The following CCDC137 variants were observed in gnomAD, a reference collection of about 807,000 sequenced individuals.
CCDC137 encodes coiled-coil domain-containing protein 137.
In CCDC137, 24 loss-of-function variants were observed where a neutral mutation model predicts 30.4. That is an observed-to-expected ratio of 0.79 (90% CI 0.57 to 1.11). CCDC137 has a LOEUF of 1.11. Among genes scored for constraint, CCDC137 ranks in the 50% least tolerant of loss-of-function variants. The probability of loss-of-function intolerance (pLI) is 0.00; values close to 1 mark genes in which losing one functional copy is unlikely to be tolerated. For missense variants in CCDC137, 417 were observed against 380.4 expected (o/e 1.10, Z -0.80); for synonymous variants, 182 against 155.7 (o/e 1.17, Z -1.26).
rs1346556640 is a variant in CCDC137, at chr17:81,672,601, A to C, written c.767A>C (p.Glu256Ala). 1.1e-5 allele frequency: 17 copies of C among 1,587,266 alleles called. No individual in the cohort carries two copies. Among genetic ancestry groups the C allele is most frequent in the East Asian group, 2.3e-5 (1 of 43,514 alleles). ...CAGCGGATTGTGGAGGAGGAGAGAGAGCGGGCCGTGCAGGCCTACAGAGCG... is the reference window on the plus strand; with the variant it reads ...CAGCGGATTGTGGAGGAGGAGAGAGCGCGGGCCGTGCAGGCCTACAGAGCG... ...ARQRIVEEER[E>A]RAVQAYRALK... Residue 256 changes from glutamate to alanine, a missense_variant, in exon 6 of 6, where the codon GAG becomes GCG. Transcript: ENST00000329214.
At chr17:81,669,219 C>T (rs1480258082) in intron 2 of CCDC137, among the ~76,000 whole-genome samples, 2 of 149,150 alleles carry the variant, frequency 1.3e-5, no homozygotes, top group Admixed American at 6.7e-5. Context: ...AATATCGGCT[C>T]ACTGCAACCT....
rs558603341 is a variant in CCDC137 at position 81,667,060 on chromosome 17, A to T, written c.134+160A>T. On this transcript the variant is annotated intron_variant, in intron 1 of 5. Coordinates refer to ENST00000329214, the MANE Select transcript of CCDC137 (RefSeq NM_199287.3). ...TGCCCGCGGCCCACGCTCCGCCAGGATCGGTTGAATGAATGGAGGCGCGAG... is the reference window on the plus strand; with the variant it reads ...TGCCCGCGGCCCACGCTCCGCCAGGTTCGGTTGAATGAATGGAGGCGCGAG... 285 of 747,092 alleles carry T rather than the reference A, an allele frequency of 3.8e-4. 1 individual carries two copies. The African/African-American group carries it at 4.8e-3, about 13-fold the overall frequency. 46.3% of individuals were successfully genotyped at this position (747,092 alleles called of 1,614,324 possible).
intron 3 of CCDC137, among the ~76,000 whole-genome samples, chr17:81,671,438 C>A (rs1011756122): frequency 1.3e-5 from 2 of 152,174 alleles, no homozygotes; most frequent in South Asian, 4.1e-4. Context: ...TCCCAGCCTT[C>A]GTGCACAAGG....
chr17:81,666,996 C>T, intron 1 of CCDC137, 96 bp downstream of exon 1: 2 of 1,205,668 alleles, frequency 1.7e-6, no homozygotes, highest in African/African-American at 1.6e-5. Context: ...TTCGCTCGGA[C>T]CCCTTCCCCA....
At chr17:81,670,077 T>C in intron 2 of CCDC137, 148 bp from the exon 3 acceptor site, 1 of 644,982 alleles carries the variant, frequency 1.6e-6, no homozygotes, top group Non-Finnish European at 2.7e-6. Context: ...GGGCCGGGCA[T>C]TCTACATCCT....
At chr17:81,667,677 T>C (rs199703066) in intron 1 of CCDC137, 52 bp from the exon 2 acceptor site, 3 of 1,602,698 alleles carry the variant, frequency 1.9e-6, no homozygotes, top group Non-Finnish European at 2.6e-6. Flanking sequence ...TCTTACTGAT[T>C]CTGCTTGTGC....
chr17:81,672,159 A>C lies in CCDC137; in HGVS notation c.660+4A>C. 1 of 1,613,758 alleles carries C rather than the reference A, an allele frequency of 6.2e-7. No homozygotes were observed. The highest frequency in any genetic ancestry group is 2.2e-5 in the East Asian group (1 of 44,884). On this transcript the variant is annotated splice_donor_region_variant and intron_variant, in intron 5 of 5. Coordinates refer to ENST00000329214, the MANE Select transcript of CCDC137 (RefSeq NM_199287.3). ...GAGGAGCGTAAGCAAGGACCAGGTA[A>C]GTGGGGCACGGGGACAACTTGAGTT...
In CCDC137 at chr17:81,673,553, G is replaced by A. The variant is rs2036748367; in HGVS notation, c.*849G>A. 6.6e-6 allele frequency: 1 copy of A among 152,280 alleles called. No individual in the cohort carries two copies. The highest frequency in any genetic ancestry group is 1.5e-5 in the Non-Finnish European group (1 of 68,110). The allele number at this position is 152,280 out of a possible 1,614,324, so 9.4% of individuals were successfully genotyped here. ...CAGGGGGAGTTCCTGCTGAGGGCAG[G>A]GCCTTGCCAGGCTTCAGTCTCCAGT... is the stretch of plus-strand genomic sequence containing the variant. On this transcript the variant is annotated 3_prime_UTR_variant, in exon 6 of 6. Coordinates refer to ENST00000329214, the MANE Select transcript of CCDC137 (RefSeq NM_199287.3).
At chr17:81,671,417 T>G (rs56892497) in intron 3 of CCDC137, among the ~76,000 whole-genome samples, 13,364 of 152,204 alleles carry the variant, frequency 0.088, 839 homozygotes, top group East Asian at 0.21. Context: ...TTGGGTGGTC[T>G]TTGGCAGCCT....
At chr17:81,668,180 C>T (rs1198112307) in intron 2 of CCDC137, among the ~76,000 whole-genome samples, 1 of 152,100 alleles carries the variant, frequency 6.6e-6, no homozygotes, top group Non-Finnish European at 1.5e-5. Context: ...ACGGCCAATT[C>T]ATGTTTACTC....
chr17:81,672,748 A>G lies in CCDC137; in HGVS notation c.*44A>G. On this transcript the variant is annotated 3_prime_UTR_variant, in exon 6 of 6. Coordinates refer to ENST00000329214, the MANE Select transcript of CCDC137 (RefSeq NM_199287.3). ...CTGGCCACGCTCTGGGGCAACTGGCACCAGGAGCTGCTACACCTGGGTAGG... is the reference window on the plus strand; with the variant it reads ...CTGGCCACGCTCTGGGGCAACTGGCGCCAGGAGCTGCTACACCTGGGTAGG... The G allele has an allele frequency of 1.3e-6, 2 of 1,488,366 alleles. No homozygotes were observed. Among genetic ancestry groups the G allele is most frequent in the African/African-American group, 2.8e-5 (2 of 71,888 alleles). 92.2% of individuals were successfully genotyped at this position (1,488,366 alleles called of 1,614,324 possible).
rs1035468818 is a variant in CCDC137 at position 81,666,836 on chromosome 17, C to G, written c.70C>G (p.Arg24Gly). 5.2e-6 allele frequency: 7 copies of G among 1,344,198 alleles called. No homozygotes were observed. The African/African-American group carries it at 1.1e-4, about 20-fold the overall frequency. 83.3% of individuals were successfully genotyped at this position (1,344,198 alleles called of 1,614,324 possible). A position where few individuals can be genotyped will look rare whatever the true frequency, so the allele number is the denominator to read the frequency against. ...GGGTCCTGGGAGTCCCCGGCGAGCG[C>G]GGGGGCGGCAGCAAGTGCAGCCGCT... ...QAGPGSPRRA[R>G]GRQQVQPLGK... The change falls in exon 1 of 6, where the codon CGG becomes GGG. Residue 24 changes from arginine to glycine, a missense_variant. Transcript: ENST00000329214.
chr17:81,667,007 G>A, intron 1 of CCDC137, 107 bp downstream of exon 1: 1 of 1,184,720 alleles, frequency 8.4e-7, no homozygotes, highest in Non-Finnish European at 1.1e-6. Flanking sequence ...CCCTTCCCCA[G>A]GTCGGGCTCA....
intron 2 of CCDC137, among the ~76,000 whole-genome samples, chr17:81,669,510 T>C (rs2036692404): frequency 6.6e-6 from 1 of 152,210 alleles, no homozygotes; most frequent in African/African-American, 2.4e-5. Context: ...TCCTGTGTTC[T>C]ACACTCGCCC....
At chr17:81,667,978 G>C in intron 2 of CCDC137, 116 bp downstream of exon 2, 1 of 1,294,568 alleles carries the variant, frequency 7.7e-7, no homozygotes, top group East Asian at 2.5e-5. Context: ...CCGGTGCTCA[G>C]AAGGTGGGGG....
At position 81,666,867 on chromosome 17, in the gene CCDC137, A is replaced by G; in HGVS notation, c.101A>G (p.Lys34Arg). The change falls in exon 1 of 6, where the codon AAG (lysine) becomes AGG (arginine). Residue 34 changes from lysine to arginine, a missense_variant. By Grantham distance (26) the Lys-to-Arg change is conservative. Transcript: ENST00000329214. ...CGGCAGCAAGTGCAGCCGCTGGGGA[A>G]GCAGCGCCCAGCCCCGTGGCCCGGG... The part of the protein sequence containing the change: ...RGRQQVQPLG[K>R]QRPAPWPGLR... The G allele has an allele frequency of 7.7e-7, 1 of 1,306,612 alleles. No homozygotes were observed. 80.9% of individuals were successfully genotyped at this position (1,306,612 alleles called of 1,614,324 possible).
intron 2 of CCDC137, 171 bp from the exon 3 acceptor site, chr17:81,670,053 TC>T (rs1283208009): frequency 6.6e-6 from 4 of 606,678 alleles, no homozygotes; most frequent in Non-Finnish European, 8.9e-6. Flanking sequence ...GGGGGTCACG[TC>T]CCCGGGGATG....
Position 81,667,813 on chromosome 17 carries a change from C to G in CCDC137, c.219C>G (p.Ser73Arg). 1 of 1,612,522 alleles carries G rather than the reference C, an allele frequency of 6.2e-7. No individual in the cohort carries two copies. The highest frequency in any genetic ancestry group is 8.5e-7 in the Non-Finnish European group (1 of 1,179,974). ...IPFRLREIMRSRQEMKNPISN... is the reference protein window; with the variant it reads ...IPFRLREIMRRRQEMKNPISN... ...TCCGGCTCCGGGAGATTATGAGGAG[C>G]CGCCAAGAGATGAAAAACCCGATCA... The change falls in exon 2 of 6, where the codon AGC becomes AGG. Residue 73 changes from serine (S) to arginine (R), a missense_variant. By Grantham distance (110) the Ser-to-Arg change is moderately radical. Coordinates refer to ENST00000329214, the MANE Select transcript of CCDC137 (RefSeq NM_199287.3).
chr17:81,667,638 A>T (rs968529507), intron 1 of CCDC137, 91 bp from the exon 2 acceptor site: 48 of 1,505,146 alleles, frequency 3.2e-5, no homozygotes, highest in Non-Finnish European at 4.2e-5. Context: ...GCCCGTGTAG[A>T]TTCTATTGCC....
Sources: allele counts gnomAD v4.1 joint callset (sites outside exome capture counted in the v4.1 genomes callset), GRCh38; gene constraint gnomAD v4.1.1; transcripts MANE v1.5; gene names NCBI Gene and HGNC (gene_info 2026-07-23, HGNC 2026-07-21).